ALDH7A1: variants seen among roughly 807,000 people sequenced by gnomAD.
ALDH7A1 encodes alpha-aminoadipic semialdehyde dehydrogenase.
Under a neutral mutation model 79.9 loss-of-function variants are expected in ALDH7A1, and 63 were observed. The ratio of observed to expected loss-of-function variants is 0.79; its 90% CI spans 0.64 to 0.97. The LOEUF (loss-of-function observed/expected upper bound fraction) is 0.97. Among genes scored for constraint, ALDH7A1 ranks in the 50% least tolerant of loss-of-function variants. The pLI is 0.00. For missense variants in ALDH7A1, 627 were observed against 665.2 expected, an observed-to-expected ratio of 0.94 and a Z score of 0.63; for synonymous variants, 240 against 231.2, an observed-to-expected ratio of 1.04 and a Z score of -0.34.
chr5:126,595,218 A>G lies in ALDH7A1; in HGVS notation c.-20T>C. 1 of 1,551,662 alleles carries G rather than the reference A, an allele frequency of 6.4e-7. No homozygotes were observed. Among genetic ancestry groups the G allele is most frequent in the East Asian group, 2.4e-5 (1 of 40,922 alleles). On this transcript the variant is annotated 5_prime_UTR_variant, in exon 1 of 18. Transcript: ENST00000409134. ...CCACATACTGAGCCCGGGACTCGGG[A>G]TGAGCCCAAGGCCCTGAGAGCTGCT...
At chr5:126,579,943 G>C (rs1751115146) in intron 5 of ALDH7A1, 1 of 166,710 alleles carries the variant, frequency 6.0e-6, no homozygotes, top group Non-Finnish European at 1.5e-5. Context: ...CTGGGTGACA[G>C]ATCCTATCTC....
intron 14 of ALDH7A1, 121 bp from the exon 15 acceptor site, chr5:126,550,414 A>G: frequency 1.3e-6 from 1 of 788,540 alleles, no homozygotes; most frequent in Non-Finnish European, 2.1e-6. Context: ...GAAACCAAAG[A>G]GTCAAGTTTA....
rs1064793830 is a variant in ALDH7A1 at position 126,546,323 on chromosome 5, C to A, written c.1565+1G>T. 1 of 1,614,058 alleles carries A rather than the reference C, an allele frequency of 6.2e-7. No homozygotes were observed. The highest frequency in any genetic ancestry group is 8.5e-7 in the Non-Finnish European group (1 of 1,179,992). On this transcript the variant is annotated splice_donor_variant, in intron 17 of 17. Transcript: ENST00000409134. LOFTEE classifies it high-confidence loss of function. ...CCTATCTTCCCAAAGCCTTTTCTTA[C>A]CAAGTAGACCTTCTCATGTACTGTT... is the stretch of plus-strand genomic sequence containing the variant.
chr5:126,572,094 G>A (rs1384830609), intron 7 of ALDH7A1, among the ~76,000 whole-genome samples: 1 of 152,146 alleles, frequency 6.6e-6, no homozygotes, highest in Non-Finnish European at 1.5e-5. Context: ...CATTCATTTT[G>A]AGTTTCCAGA....
intron 3 of ALDH7A1, chr5:126,586,324 A>G (rs1646337982): frequency 6.6e-6 from 1 of 152,262 alleles, no homozygotes; most frequent in Admixed American, 6.5e-5. Context: ...TGATGTTTCA[A>G]TTGAATTTAG....
At chr5:126,574,064 G>T (rs1581385163) in intron 7 of ALDH7A1, among the ~76,000 whole-genome samples, 1 of 144,616 alleles carries the variant, frequency 6.9e-6, no homozygotes, top group Non-Finnish European at 1.5e-5. Context: ...TATTACCCTT[G>T]CTCTTTTCCA....
Position 126,577,176 on chromosome 5 carries a change from C to A in ALDH7A1, c.553G>T (p.Val185Leu), listed in dbSNP as rs61757685. 2 of 1,614,110 alleles carry A rather than the reference C, an allele frequency of 1.2e-6. No individual in the cohort carries two copies. The highest frequency in any genetic ancestry group is 1.7e-6 in the Non-Finnish European group (2 of 1,180,026). The change falls in exon 6 of 18, where the codon GTA (valine) becomes TTA (leucine). Residue 185 changes from valine to leucine, a missense_variant. Transcript: ENST00000409134. ...GCCGTGATGATTCCAACCAGGCCTA[C>A]GGGATTCCACTGCTCAATCAGTGCA... Reference protein sequence around the residue: ...GHALIEQWNPVGLVGIITAFN... With the variant: ...GHALIEQWNPLGLVGIITAFN...
chr5:126,565,307 C>T (rs1347059478), intron 9 of ALDH7A1, among the ~76,000 whole-genome samples: 1 of 141,258 alleles, frequency 7.1e-6, no homozygotes, highest in African/African-American at 2.6e-5. Context: ...GCAGAAGAAT[C>T]ACTTGAACCT....
rs771975420 is a variant in ALDH7A1, at chr5:126,552,127, C to T, written c.1211G>A (p.Arg404His). Residue 404 changes from arginine (R) to histidine (H), a missense_variant, in exon 14 of 18, where the codon CGC becomes CAC. Transcript: ENST00000409134. ...TGTCGGTTCTACATAATTTCCAGGG[C>T]GATCCATAACCTAATGCAGAGAAAT... ...TVVYGGKVMD[R>H]PGNYVEPTIV... is the part of the protein sequence containing the mutation. 3.7e-6 allele frequency: 6 copies of T among 1,613,118 alleles called. No individual in the cohort carries two copies. Among genetic ancestry groups the T allele is most frequent in the African/African-American group, 2.7e-5 (2 of 74,818 alleles).
chr5:126,593,751 C>A, intron 1 of ALDH7A1: 1 of 386,034 alleles, frequency 2.6e-6, no homozygotes. Context: ...TCTGCCCACC[C>A]TCTGCTCAGA....
At position 126,544,860 on chromosome 5, in the gene ALDH7A1, A is replaced by G. The variant is rs1749732427; in HGVS notation, c.*105T>C. The stretch of plus-strand genomic sequence containing the variant: ...TCATAGGGGGATTAGTCACTGTCAC[A>G]GTCATAATAATGCATTTATTCAGGG... On this transcript the variant is annotated 3_prime_UTR_variant, in exon 18 of 18. Transcript: ENST00000409134. The G allele has an allele frequency of 3.4e-6, 3 of 888,414 alleles. No homozygotes were observed. The East Asian group carries it at 7.7e-5, about 23-fold the overall frequency. The allele number at this position is 888,414 out of a possible 1,614,324, so 55.0% of individuals were successfully genotyped here.
chr5:126,546,976 C>T (rs1957087702), intron 16 of ALDH7A1, among the ~76,000 whole-genome samples: 1 of 152,206 alleles, frequency 6.6e-6, no homozygotes. Flanking sequence ...TGAATGTTTG[C>T]CCTTCTAGCT....
intron 9 of ALDH7A1, among the ~76,000 whole-genome samples, chr5:126,564,180 CAG>C (rs756087394): frequency 1.2e-3 from 182 of 152,144 alleles, no homozygotes; most frequent in South Asian, 2.5e-3. Flanking sequence ...ATTTTTGAGA[CAG>C]AGTCTCACTC....
chr5:126,582,743 G>A, intron 5 of ALDH7A1, 108 bp downstream of exon 5: 1 of 1,265,704 alleles, frequency 7.9e-7, no homozygotes, highest in African/African-American at 1.5e-5. Flanking sequence ...ACATATTTAT[G>A]CCACTTGAAA....
In ALDH7A1 at chr5:126,555,907, T is replaced by C. The variant is rs752851902; in HGVS notation, c.1093+24A>G. 2.0e-5 allele frequency: 32 copies of C among 1,582,180 alleles called. 1 individual carries two copies. Among genetic ancestry groups the C allele is most frequent in the South Asian group, 1.8e-4 (16 of 90,502 alleles). ...CAACAGCTCTCAAAAAGGGATCGCT[T>C]TGAAAGCAGAAGGAGATACTCACGG... On this transcript the variant is annotated intron_variant, in intron 12 of 17. Coordinates refer to ENST00000409134, the MANE Select transcript of ALDH7A1 (RefSeq NM_001182.5).
In ALDH7A1 at chr5:126,595,126, G is replaced by A. The variant is rs762624752; in HGVS notation, c.73C>T (p.Pro25Ser). Residue 25 changes from proline to serine, a missense_variant, in exon 1 of 18, where the codon CCT (proline) becomes TCT (serine). Physicochemically the swap from Pro to Ser is moderately conservative, Grantham distance 74. Coordinates refer to ENST00000409134, the MANE Select transcript of ALDH7A1 (RefSeq NM_001182.5). Reference sequence around the variant, plus strand: ...AGGAGAGTGGACATGAAGGCGGCAGGCCTGCTCCAAGGTCCAGAGAGCTTG... The same window carrying A: ...AGGAGAGTGGACATGAAGGCGGCAGACCTGCTCCAAGGTCCAGAGAGCTTG... ...TSKLSGPWSR[P>S]AAFMSTLLIN... is the part of the protein sequence containing the mutation. 2.7e-5 allele frequency: 42 copies of A among 1,576,566 alleles called. No homozygotes were observed. The highest frequency in any genetic ancestry group is 4.6e-5 in the South Asian group (4 of 86,220).
intron 6 of ALDH7A1, among the ~76,000 whole-genome samples, chr5:126,575,730 A>G (rs1168137333): frequency 6.6e-6 from 1 of 152,232 alleles, no homozygotes; most frequent in Non-Finnish European, 1.5e-5. Context: ...GAATCACTAC[A>G]TTAACCTCAG....
At chr5:126,587,466 C>T (rs1043248145) in intron 3 of ALDH7A1, 3 of 151,612 alleles carry the variant, frequency 2.0e-5, no homozygotes, top group South Asian at 2.1e-4. Context: ...GGTGAAACCC[C>T]ATCTCTGCTA....
At chr5:126,547,318 G>C (rs1376391420) in intron 16 of ALDH7A1, among the ~76,000 whole-genome samples, 1 of 152,204 alleles carries the variant, frequency 6.6e-6, no homozygotes, top group Non-Finnish European at 1.5e-5. Context: ...GGTGGGCAGG[G>C]AGGGAGTAGG....
Sources: allele counts gnomAD v4.1 joint callset (sites outside exome capture counted in the v4.1 genomes callset), GRCh38; gene constraint gnomAD v4.1.1; transcripts MANE v1.5; gene names NCBI Gene and HGNC (gene_info 2026-07-23, HGNC 2026-07-21).